The following EYA4 variants were observed in gnomAD, a reference collection of about 807,000 sequenced individuals.
The protein encoded by EYA4 is EYA transcriptional coactivator and phosphatase 4, also known as protein phosphatase EYA4.
In EYA4, 31 loss-of-function variants were observed where a neutral mutation model predicts 87.9. The ratio of observed to expected loss-of-function variants is 0.35; its 90% CI spans 0.27 to 0.48. The LOEUF (loss-of-function observed/expected upper bound fraction) is 0.48. EYA4 is among the 20% of genes least tolerant of loss of function. EYA4 has a pLI of 0.99. For missense variants in EYA4, 678 were observed against 761.4 expected, an observed-to-expected ratio of 0.89 and a Z score of 1.29; for synonymous variants, 263 against 270.6, an observed-to-expected ratio of 0.97 and a Z score of 0.28.
intron 1 of EYA4, among the ~76,000 whole-genome samples, chr6:133,271,277 C>T (rs1483382093): frequency 1.3e-5 from 2 of 152,138 alleles, no homozygotes; most frequent in Admixed American, 1.3e-4. Context: ...AAAGGCCATT[C>T]CACCATTCTG....
chr6:133,365,866 C>G (rs1325602056), intron 2 of EYA4, among the ~76,000 whole-genome samples: 1 of 152,106 alleles, frequency 6.6e-6, no homozygotes, highest in African/African-American at 2.4e-5. Flanking sequence ...CAGACCAGCC[C>G]TTTGCACTAA....
At chr6:133,467,943 G>A (rs1341488464) in intron 10 of EYA4, among the ~76,000 whole-genome samples, 1 of 152,000 alleles carries the variant, frequency 6.6e-6, no homozygotes, top group Non-Finnish European at 1.5e-5. Context: ...ACAAAGGAGG[G>A]AAACTAAATC....
chr6:133,266,014 T>G (rs1776193214), intron 1 of EYA4, among the ~76,000 whole-genome samples: 1 of 152,234 alleles, frequency 6.6e-6, no homozygotes, highest in South Asian at 2.1e-4. Context: ...ACATTCATAC[T>G]TTGATGACGT....
Position 133,478,496 on chromosome 6 carries a change from C to G in EYA4, c.971-2967C>G, listed in dbSNP as rs1795934570. ...TCTAGCCACATTAAGGAAAGGACAA[C>G]TGCTATCCCAGGCTAGAATATGGAT... On this transcript the variant is annotated intron_variant, in intron 11 of 19. Transcript: ENST00000355286. 2.6e-5 allele frequency among the ~76,000 whole-genome samples: 4 copies of G among 152,076 alleles called. No homozygotes were observed. The South Asian group carries it at 8.3e-4, about 31-fold the overall frequency.
chr6:133,250,338 G>C (rs767008843), intron 1 of EYA4, among the ~76,000 whole-genome samples: 1 of 152,066 alleles, frequency 6.6e-6, no homozygotes, highest in Non-Finnish European at 1.5e-5. Context: ...ATAGCACAGT[G>C]AGTAAGTAGA....
At chr6:133,357,681 G>A (rs1484347343) in intron 2 of EYA4, among the ~76,000 whole-genome samples, 2 of 152,022 alleles carry the variant, frequency 1.3e-5, no homozygotes, top group Non-Finnish European at 2.9e-5. Flanking sequence ...TCCAGAAACA[G>A]CTGTCTTACT....
At chr6:133,477,600 A>G (rs1288465260) in intron 11 of EYA4, among the ~76,000 whole-genome samples, 3 of 152,044 alleles carry the variant, frequency 2.0e-5, no homozygotes, top group African/African-American at 7.2e-5. Flanking sequence ...AAGCAGATCT[A>G]GGTTTGACCT....
chr6:133,458,140 T>G (rs1388243104), intron 6 of EYA4, among the ~76,000 whole-genome samples: 3 of 152,184 alleles, frequency 2.0e-5, no homozygotes, highest in Admixed American at 6.6e-5. Context: ...TTCACTCATA[T>G]TGTCTTTGTA....
intron 3 of EYA4, among the ~76,000 whole-genome samples, chr6:133,410,633 T>TTTTTTTTTTTTTTTTG (rs1554252061): frequency 6.7e-6 from 1 of 148,718 alleles, no homozygotes. Context: ...ACTAAGGTCT[T>TTTTTTTTTTTTTTTTG]AATTCCTTCT....
intron 1 of EYA4, among the ~76,000 whole-genome samples, chr6:133,242,602 CGT>C (rs910340447): frequency 6.6e-6 from 1 of 152,144 alleles, no homozygotes; most frequent in Non-Finnish European, 1.5e-5. Flanking sequence ...TGGAAGTAGA[CGT>C]GTGTGTGCTT....
At chr6:133,398,892 A>C (rs1788027209) in intron 3 of EYA4, among the ~76,000 whole-genome samples, 1 of 152,342 alleles carries the variant, frequency 6.6e-6, no homozygotes, top group South Asian at 2.1e-4. Context: ...GAGAAACAGG[A>C]TACATCAGTG....
At chr6:133,284,792 A>G (rs1434678917) in intron 2 of EYA4, among the ~76,000 whole-genome samples, 1 of 152,214 alleles carries the variant, frequency 6.6e-6, no homozygotes, top group Non-Finnish European at 1.5e-5. Flanking sequence ...ATTGTTGGAA[A>G]TACTTGGTGG....
chr6:133,439,524 G>C (rs1792058247), intron 3 of EYA4: 1 of 152,188 alleles, frequency 6.6e-6, no homozygotes, highest in Non-Finnish European at 1.5e-5. Flanking sequence ...AAGGAAAAAG[G>C]CATATGGGGC....
intron 3 of EYA4, among the ~76,000 whole-genome samples, chr6:133,389,391 T>C (rs928987879): frequency 1.3e-5 from 2 of 152,216 alleles, no homozygotes; most frequent in Non-Finnish European, 2.9e-5. Flanking sequence ...CTGCATGTGG[T>C]AGATGCCTCC....
chr6:133,290,244 T>A (rs1042157580), intron 2 of EYA4, among the ~76,000 whole-genome samples: 11 of 152,158 alleles, frequency 7.2e-5, no homozygotes, highest in African/African-American at 2.7e-4. Flanking sequence ...CCCCGGGAAG[T>A]GTGGCTTGAG....
intron 3 of EYA4, among the ~76,000 whole-genome samples, chr6:133,399,178 C>T (rs1464496006): frequency 6.6e-6 from 1 of 152,154 alleles, no homozygotes; most frequent in East Asian, 1.9e-4. Context: ...TTTATACATA[C>T]ATAATTTTTA....
intron 2 of EYA4, among the ~76,000 whole-genome samples, chr6:133,354,269 G>A (rs1412211211): frequency 1.3e-5 from 2 of 152,106 alleles, no homozygotes; most frequent in African/African-American, 4.8e-5. Context: ...GAATTCCAGA[G>A]AGGTGGAAGT....
At chr6:133,268,522 T>G (rs1355986938) in intron 1 of EYA4, among the ~76,000 whole-genome samples, 1 of 152,182 alleles carries the variant, frequency 6.6e-6, no homozygotes, top group Non-Finnish European at 1.5e-5. Flanking sequence ...CCAGCCACAG[T>G]TCAGTCTGGG....
At chr6:133,354,036 C>G (rs764622336) in intron 2 of EYA4, among the ~76,000 whole-genome samples, 1 of 152,130 alleles carries the variant, frequency 6.6e-6, no homozygotes, top group Non-Finnish European at 1.5e-5. Context: ...TCTGTTGTCA[C>G]ATTTTTGAAT....
Sources: gnomAD v4.1 joint callset for allele counts (sites outside exome capture counted in the v4.1 genomes callset) on GRCh38, gnomAD v4.1.1 for gene constraint, MANE v1.5 for transcripts, NCBI Gene and HGNC (gene_info 2026-07-23, HGNC 2026-07-21) for gene names.